The following TEKTIP1 variants were observed in gnomAD, a reference collection of about 807,000 sequenced individuals.
The protein encoded by TEKTIP1 is tektin bundle interacting protein 1.
At chr19:3,542,643 G>C in the TEKTIP1 span, 13 of 1,076,862 alleles carry the variant, frequency 1.2e-5, no homozygotes, top group Admixed American at 3.4e-5. Flanking sequence ...CACCATGCCT[G>C]GCTTAATTTT....
At chr19:3,540,543 A>G in the TEKTIP1 span, among the ~76,000 whole-genome samples, 1 of 149,838 alleles carries the variant, frequency 6.7e-6, no homozygotes, top group East Asian at 2.2e-4. Flanking sequence ...GGCGTGAGGC[A>G]CCGCGCCTAG....
At chr19:3,543,970 G>C in the TEKTIP1 span, 1 of 1,549,426 alleles carries the variant, frequency 6.5e-7, no homozygotes, top group Non-Finnish European at 8.7e-7. Flanking sequence ...CCCTCCACCT[G>C]CCAGCGGTCC....
the TEKTIP1 span, chr19:3,543,741 G>A: frequency 6.7e-7 from 1 of 1,494,344 alleles, no homozygotes; most frequent in Non-Finnish European, 9.0e-7. Flanking sequence ...CCTAGGCCAG[G>A]GTGAAACTGC....
At chr19:3,539,455 C>CT in the TEKTIP1 span, 5 of 572,134 alleles carry the variant, frequency 8.7e-6, no homozygotes, top group Admixed American at 3.0e-5. Flanking sequence ...GGCTACAGAC[C>CT]TGGAGACAGG....
At chr19:3,544,018 C>G in the TEKTIP1 span, 2 of 1,529,538 alleles carry the variant, frequency 1.3e-6, no homozygotes, top group Non-Finnish European at 1.8e-6. Flanking sequence ...TAAAGGCATG[C>G]TACCAGGATG....
chr19:3,543,499 G>A, the TEKTIP1 span: 41 of 1,503,298 alleles, frequency 2.7e-5, no homozygotes, highest in South Asian at 4.8e-4. Flanking sequence ...CCCGCCCTGG[G>A]CAGCGGGCCT....
At chr19:3,540,611 G>A in the TEKTIP1 span, among the ~76,000 whole-genome samples, 1 of 151,992 alleles carries the variant, frequency 6.6e-6, no homozygotes, top group Non-Finnish European at 1.5e-5. Flanking sequence ...CAGGCGCAGT[G>A]GCTCACGCCT....
the TEKTIP1 span, chr19:3,543,449 C>T: frequency 9.7e-6 from 15 of 1,544,846 alleles, no homozygotes; most frequent in East Asian, 2.4e-5. Context: ...CTGCTACCAA[C>T]ACCGTGAGTG....
the TEKTIP1 span, chr19:3,543,591 A>G: frequency 2.6e-6 from 4 of 1,543,322 alleles, no homozygotes; most frequent in Non-Finnish European, 8.7e-7. Context: ...GCCTGGCATG[A>G]CCCCATCGTC....
chr19:3,542,653 T>G, the TEKTIP1 span: 3 of 1,117,750 alleles, frequency 2.7e-6, no homozygotes, highest in Non-Finnish European at 3.4e-6. Flanking sequence ...GGCTTAATTT[T>G]CGTATTTTTA....
chr19:3,542,090 A>T, the TEKTIP1 span: 2 of 983,052 alleles, frequency 2.0e-6, no homozygotes, highest in Non-Finnish European at 2.4e-6. Context: ...GATTACAGGC[A>T]TGAGCCACTG....
chr19:3,543,770 C>T, the TEKTIP1 span: 5 of 1,489,478 alleles, frequency 3.4e-6, no homozygotes, highest in African/African-American at 4.2e-5. Context: ...ATCCAGGAGC[C>T]CCTTGCTGGC....
the TEKTIP1 span, chr19:3,541,877 C>T: frequency 1.0e-3 from 861 of 829,698 alleles, 1 homozygote; most frequent in Non-Finnish European, 1.2e-3. Flanking sequence ...GACGCAATCT[C>T]GGCTCACTGC....
chr19:3,539,225 G>C, the TEKTIP1 span: 1 of 1,550,736 alleles, frequency 6.4e-7, no homozygotes, highest in African/African-American at 1.4e-5. Flanking sequence ...TCCCCTCGGG[G>C]ACCCTCGAGG....
At chr19:3,542,978 C>T in the TEKTIP1 span, 2 of 1,567,098 alleles carry the variant, frequency 1.3e-6, no homozygotes, top group Non-Finnish European at 1.7e-6. Context: ...GCAAGAAAAG[C>T]TGAGAACAGA....
At chr19:3,543,941 G>A in the TEKTIP1 span, 4 of 1,551,142 alleles carry the variant, frequency 2.6e-6, no homozygotes, top group Non-Finnish European at 3.5e-6. Context: ...ACCGGGAGTG[G>A]GTCCTGGAAC....
At chr19:3,542,488 T>A in the TEKTIP1 span, 3 of 983,560 alleles carry the variant, frequency 3.1e-6, no homozygotes, top group Non-Finnish European at 3.6e-6. Flanking sequence ...GTCTTTTTGT[T>A]TTTGAGACAG....
chr19:3,543,709 G>GGAGGCCAGGGGGACAAGGCCACC, the TEKTIP1 span: 49 of 1,503,280 alleles, frequency 3.3e-5, no homozygotes, highest in Non-Finnish European at 4.3e-5. Flanking sequence ...TGGGTCCTTG[G>GGAGGCCAGGGGGACAAGGCCACC]GAGGCCAGGG....
chr19:3,543,693 G>A, the TEKTIP1 span: 2 of 1,523,996 alleles, frequency 1.3e-6, no homozygotes, highest in Non-Finnish European at 1.8e-6. Flanking sequence ...GAGGCTAGGT[G>A]CAGGGTGGGT....
Sources: gnomAD v4.1 joint callset for allele counts (sites outside exome capture counted in the v4.1 genomes callset) on GRCh38, gnomAD v4.1.1 for gene constraint, MANE v1.5 for transcripts, NCBI Gene and HGNC (gene_info 2026-07-23, HGNC 2026-07-21) for gene names.